The following INSL6 variants were observed in gnomAD, a reference collection of about 807,000 sequenced individuals.
The protein encoded by INSL6 is insulin like 6, also known as insulin-like peptide INSL6.
INSL6 carries 16 observed loss-of-function variants against 9.4 expected under a neutral mutation model. The observed-to-expected ratio is 1.70, with a 90% CI of 1.15 to 2.59. INSL6 has a LOEUF of 2.59. INSL6 is among the 30% of genes most tolerant of loss of function. The pLI is 0.00. For synonymous variants in INSL6, 154 were observed against 96.9 expected, an observed-to-expected ratio of 1.59 and a Z score of -3.46; for missense variants, 391 against 257.3, an observed-to-expected ratio of 1.52 and a Z score of -3.56.
downstream of INSL6, among the ~76,000 whole-genome samples, chr9:5,159,786 GAACA>G (rs1326931092): frequency 6.6e-6 from 1 of 152,176 alleles, no homozygotes; most frequent in African/African-American, 2.4e-5. Flanking sequence ...CTGCACTATA[GAACA>G]AACAGACCTA....
the INSL6 span, chr9:5,022,323 A>G: frequency 3.0e-6 from 2 of 659,674 alleles, no homozygotes; most frequent in Non-Finnish European, 4.9e-6. Flanking sequence ...TAATGCTTGT[A>G]TGGCTGGCGT....
At chr9:5,008,973 A>G in the INSL6 span, among the ~76,000 whole-genome samples, 3 of 152,086 alleles carry the variant, frequency 2.0e-5, no homozygotes, top group Non-Finnish European at 2.9e-5. Context: ...CTGTCTTCCA[A>G]ATTATGAGTT....
chr9:5,059,464 T>G, the INSL6 span, among the ~76,000 whole-genome samples: 2 of 152,194 alleles, frequency 1.3e-5, no homozygotes, highest in Admixed American at 6.5e-5. Flanking sequence ...TGTATTCTGT[T>G]GATGGACATT....
chr9:5,104,612 T>TA, the INSL6 span, among the ~76,000 whole-genome samples: 2 of 151,518 alleles, frequency 1.3e-5, no homozygotes, highest in African/African-American at 4.8e-5. Flanking sequence ...CACAAAAAAA[T>TA]AATTTTAGAC....
At chr9:5,057,711 A>G in the INSL6 span, among the ~76,000 whole-genome samples, 1 of 150,608 alleles carries the variant, frequency 6.6e-6, no homozygotes, top group Non-Finnish European at 1.5e-5. Context: ...GCCTCCCGAT[A>G]GCTGGGATTA....
At chr9:5,030,726 G>A in the INSL6 span, among the ~76,000 whole-genome samples, 1 of 151,862 alleles carries the variant, frequency 6.6e-6, no homozygotes, top group African/African-American at 2.4e-5. Context: ...CTATCACTTG[G>A]TGCTCTCTCA....
downstream of INSL6, among the ~76,000 whole-genome samples, chr9:5,160,026 A>C (rs1824892254): frequency 6.6e-6 from 1 of 151,980 alleles, no homozygotes; most frequent in Non-Finnish European, 1.5e-5. Flanking sequence ...AAATACAAAA[A>C]TTAGCCAGGT....
downstream of INSL6, among the ~76,000 whole-genome samples, chr9:5,119,499 T>C (rs1823454990): frequency 6.6e-6 from 1 of 152,060 alleles, no homozygotes; most frequent in African/African-American, 2.4e-5. Context: ...GAAAAAATCA[T>C]GAGGGCAGTC....
chr9:5,065,020 C>T, the INSL6 span: 1 of 1,596,758 alleles, frequency 6.3e-7, no homozygotes, highest in Non-Finnish European at 8.5e-7. Flanking sequence ...ATATACAAAG[C>T]AACTGTCATG....
the INSL6 span, chr9:5,114,506 G>A: frequency 4.7e-5 from 22 of 470,120 alleles, no homozygotes; most frequent in Non-Finnish European, 7.6e-5. Context: ...AGGTCTACGT[G>A]TTTGCAACGC....
In INSL6 at chr9:5,185,611, C is replaced by T. The variant is rs1307022225; in HGVS notation, c.-9G>A. ...CGGAGGAGCCGCGGCATCCCTGTGACCCCAGGCTAGTCCTCCGCGTTGTGC... is the reference window on the plus strand; with the variant it reads ...CGGAGGAGCCGCGGCATCCCTGTGATCCCAGGCTAGTCCTCCGCGTTGTGC... On this transcript the variant is annotated 5_prime_UTR_variant, in exon 1 of 2. Transcript: ENST00000381641. 2 of 1,608,286 alleles carry T rather than the reference C, an allele frequency of 1.2e-6. No individual in the cohort carries two copies. The highest frequency in any genetic ancestry group is 2.2e-5 in the South Asian group (2 of 90,380).
the INSL6 span, among the ~76,000 whole-genome samples, chr9:5,008,237 G>A: frequency 6.6e-6 from 1 of 152,086 alleles, no homozygotes; most frequent in East Asian, 1.9e-4. Flanking sequence ...CATTGTTTAT[G>A]TTTTGAATAC....
chr9:5,066,780 T>C, the INSL6 span: 1 of 1,533,588 alleles, frequency 6.5e-7, no homozygotes, highest in East Asian at 2.4e-5. Context: ...TTTTGACTTT[T>C]GCTGTCGAGG....
chr9:5,114,177 C>G, the INSL6 span: 1 of 432,576 alleles, frequency 2.3e-6, no homozygotes, highest in Non-Finnish European at 4.6e-6. Flanking sequence ...AGATTCTAAC[C>G]CGCAAGGGGT....
chr9:4,998,403 C>T, the INSL6 span, among the ~76,000 whole-genome samples: 12 of 152,182 alleles, frequency 7.9e-5, no homozygotes, highest in East Asian at 1.9e-4. Flanking sequence ...ATTATAGGCG[C>T]GCACCACCAC....
the INSL6 span, among the ~76,000 whole-genome samples, chr9:5,063,653 A>T: frequency 6.6e-6 from 1 of 152,182 alleles, no homozygotes; most frequent in Non-Finnish European, 1.5e-5. Flanking sequence ...TTTTCCTACC[A>T]TGGTTAATCT....
the INSL6 span, among the ~76,000 whole-genome samples, chr9:5,066,298 GGTA>G: frequency 6.6e-6 from 1 of 152,016 alleles, no homozygotes; most frequent in Non-Finnish European, 1.5e-5. Context: ...TAACTGCTAT[GGTA>G]GTAGAGATAT....
the INSL6 span, among the ~76,000 whole-genome samples, chr9:5,028,144 A>C: frequency 2.6e-5 from 4 of 152,224 alleles, no homozygotes; most frequent in African/African-American, 9.6e-5. Context: ...TTTCCCAAAT[A>C]ATAAGATTTG....
the INSL6 span, among the ~76,000 whole-genome samples, chr9:5,101,398 G>A: frequency 6.6e-6 from 1 of 152,366 alleles, no homozygotes; most frequent in East Asian, 1.9e-4. Context: ...ACTGGGTGGA[G>A]CCCACCACAG....
Sources: gnomAD v4.1 joint callset for allele counts (sites outside exome capture counted in the v4.1 genomes callset) on GRCh38, gnomAD v4.1.1 for gene constraint, MANE v1.5 for transcripts, NCBI Gene and HGNC (gene_info 2026-07-23, HGNC 2026-07-21) for gene names.